DGKK: variants seen among roughly 807,000 people sequenced by gnomAD.
The protein encoded by DGKK is diacylglycerol kinase kappa.
In DGKK, 35 loss-of-function variants were observed where a neutral mutation model predicts 92.2. The observed-to-expected ratio is 0.38, with a 90% CI of 0.29 to 0.50. The LOEUF is 0.50. DGKK is among the 20% of genes least tolerant of loss of function. The probability of loss-of-function intolerance (pLI) is 0.92; values close to 1 mark genes in which losing one functional copy is unlikely to be tolerated. For missense variants in DGKK, 910 were observed against 992.2 expected (o/e 0.92, Z 1.11); for synonymous variants, 368 against 360.6 (o/e 1.02, Z -0.23).
intron 4 of DGKK, among the ~76,000 whole-genome samples, chrX:50,407,487 G>C (rs782369391): frequency 1.9e-4 from 21 of 110,609 alleles, no homozygotes; most frequent in African/African-American, 6.6e-4. Flanking sequence ...GAGAGAGAGA[G>C]AGAGAAGAAA....
chrX:50,454,370 C>T (rs1226294909), intron 1 of DGKK, among the ~76,000 whole-genome samples: 1 of 111,355 alleles, frequency 9.0e-6, no homozygotes, highest in Non-Finnish European at 1.9e-5. Context: ...TTTAGATTAT[C>T]ATTGCCTGAG....
chrX:50,420,592 A>T lies in DGKK; in HGVS notation c.838-85T>A, dbSNP rs1006542599. 1.2e-5 allele frequency: 10 copies of T among 820,820 alleles called. No homozygotes were observed. The Admixed American group carries it at 2.5e-4, about 21-fold the overall frequency. 67.6% of individuals were successfully genotyped at this position (820,820 alleles called of 1,213,427 possible). On this transcript the variant is annotated intron_variant, in intron 3 of 27. Coordinates refer to ENST00000611977, the MANE Select transcript of DGKK (RefSeq NM_001013742.4). The stretch of plus-strand genomic sequence containing the variant: ...GTCTGTGAACTCTCTAAGAAACTAC[A>T]CAGATGTACCAAGCACAACATAAGC...
intron 8 of DGKK, among the ~76,000 whole-genome samples, chrX:50,399,271 C>T (rs781958257): frequency 1.8e-4 from 20 of 111,097 alleles, no homozygotes; most frequent in African/African-American, 5.6e-4. Context: ...TACGCGTGCA[C>T]ATATATATGA....
intron 20 of DGKK, 59 bp downstream of exon 20, chrX:50,379,568 C>T (rs916487514): frequency 1.0e-6 from 1 of 993,235 alleles, no homozygotes; most frequent in African/African-American, 1.9e-5. Flanking sequence ...ATGCTTCCTT[C>T]AGAGAGACCT....
intron 1 of DGKK, among the ~76,000 whole-genome samples, chrX:50,450,330 A>G (rs782213369): frequency 1.8e-5 from 2 of 111,987 alleles, no homozygotes; most frequent in African/African-American, 3.2e-5. Context: ...TTAGTTTCCA[A>G]CTGCCATTTA....
chrX:50,461,274 T>C (rs782245263), intron 1 of DGKK, among the ~76,000 whole-genome samples: 7 of 111,875 alleles, frequency 6.3e-5, no homozygotes, highest in Non-Finnish European at 1.1e-4. Flanking sequence ...AAATCCAAGG[T>C]AGAATAATGA....
intron 1 of DGKK, among the ~76,000 whole-genome samples, chrX:50,469,546 C>T (rs942012076): frequency 1.8e-5 from 2 of 112,336 alleles, no homozygotes; most frequent in Non-Finnish European, 3.8e-5. Flanking sequence ...GAGGCGCCCC[C>T]TCCCCAGTGG....
At position 50,384,711 on chromosome X, in the gene DGKK, G is replaced by T; in HGVS notation, c.2452+9C>A. ...CTAGAATAAGGGAAGAAGACAGAAAGATCCTTACGGCGTCGTGGGCTTGTC... is the reference window on the plus strand; with the variant it reads ...CTAGAATAAGGGAAGAAGACAGAAATATCCTTACGGCGTCGTGGGCTTGTC... On this transcript the variant is annotated intron_variant, in intron 16 of 27. Transcript: ENST00000611977. The T allele has an allele frequency of 8.3e-7, 1 of 1,200,672 alleles. No homozygotes were observed. The highest frequency in any genetic ancestry group is 1.1e-6 in the Non-Finnish European group (1 of 887,474).
intron 4 of DGKK, among the ~76,000 whole-genome samples, chrX:50,419,977 C>T (rs1557228949): frequency 8.9e-6 from 1 of 112,250 alleles, no homozygotes; most frequent in Non-Finnish European, 1.9e-5. Context: ...ATCCTGGTTT[C>T]ACTACTGAAT....
chrX:50,378,259 GA>G lies in DGKK; in HGVS notation c.2977-28del, dbSNP rs782819688. The G allele has an allele frequency of 5.0e-6, 6 of 1,196,643 alleles. No individual in the cohort carries two copies. The East Asian group carries it at 1.2e-4, about 24-fold the overall frequency. The stretch of plus-strand genomic sequence containing the variant: ...TGCCAGAGAAAATGAGGAAGAATGG[GA>G]GAGAAAAATGGGGCAACTGCTGTAA... On this transcript the variant is annotated intron_variant, in intron 21 of 27. Coordinates refer to ENST00000611977, the MANE Select transcript of DGKK (RefSeq NM_001013742.4).
At chrX:50,408,634 C>T (rs1469055821) in intron 4 of DGKK, among the ~76,000 whole-genome samples, 8 of 111,193 alleles carry the variant, frequency 7.2e-5, no homozygotes, top group Non-Finnish European at 1.3e-4. Context: ...CCGCCCGCCT[C>T]GGCCTCCCAA....
At chrX:50,379,905 A>AAG in intron 19 of DGKK, 76 bp downstream of exon 19, 3 of 1,009,471 alleles carry the variant, frequency 3.0e-6, no homozygotes, top group Non-Finnish European at 4.2e-6. Context: ...AGGAAGAATC[A>AAG]GCATGTACGG....
In DGKK at chrX:50,403,470, G is replaced by A. The variant is rs1484451381; in HGVS notation, c.1185+21C>T. 4 of 1,177,893 alleles carry A rather than the reference G, an allele frequency of 3.4e-6. No individual in the cohort carries two copies. In the African/African-American group the frequency reaches 7.1e-5, roughly 21 times the overall value. ...GGGACATGGGAGAGGCCGACTGTGGGAAGACATGGCTAGTACTTACTACTT... is the reference window on the plus strand; with the variant it reads ...GGGACATGGGAGAGGCCGACTGTGGAAAGACATGGCTAGTACTTACTACTT... On this transcript the variant is annotated intron_variant, in intron 6 of 27. Transcript: ENST00000611977.
intron 2 of DGKK, among the ~76,000 whole-genome samples, chrX:50,423,621 G>A (rs1275509184): frequency 1.8e-5 from 2 of 111,814 alleles, no homozygotes; most frequent in African/African-American, 6.5e-5. Context: ...TGCAAGTATC[G>A]AGAAGTAAAA....
intron 1 of DGKK, among the ~76,000 whole-genome samples, chrX:50,454,327 C>T (rs995089431): frequency 1.8e-5 from 2 of 111,108 alleles, no homozygotes; most frequent in Non-Finnish European, 3.8e-5. Context: ...ATTGGCACAG[C>T]GCTCAACACA....
intron 18 of DGKK, among the ~76,000 whole-genome samples, 191 bp from the exon 19 acceptor site, chrX:50,380,268 G>A (rs1434315818): frequency 9.0e-6 from 1 of 111,613 alleles, no homozygotes; most frequent in Admixed American, 9.5e-5. Flanking sequence ...GGGTTCCTGG[G>A]CCCCTTTGAA....
At chrX:50,415,760 T>A (rs1451982098) in intron 4 of DGKK, among the ~76,000 whole-genome samples, 1 of 111,723 alleles carries the variant, frequency 9.0e-6, no homozygotes, top group Non-Finnish European at 1.9e-5. Context: ...ACCATTTCTA[T>A]TTTGGAAGGA....
intron 1 of DGKK, among the ~76,000 whole-genome samples, chrX:50,431,466 T>A (rs1326471804): frequency 1.6e-4 from 18 of 111,706 alleles, no homozygotes; most frequent in African/African-American, 5.9e-4. Context: ...CTACCTGTTA[T>A]TAGTTGGCTG....
intron 4 of DGKK, among the ~76,000 whole-genome samples, chrX:50,410,069 A>G (rs1468922210): frequency 8.9e-6 from 1 of 112,074 alleles, no homozygotes; most frequent in Non-Finnish European, 1.9e-5. Flanking sequence ...TAGCAGCCCA[A>G]ACTGACTAAG....
Sources: allele counts gnomAD v4.1 joint callset (sites outside exome capture counted in the v4.1 genomes callset), GRCh38; gene constraint gnomAD v4.1.1; transcripts MANE v1.5; gene names NCBI Gene and HGNC (gene_info 2026-07-23, HGNC 2026-07-21).